The following PRKG1 variants were observed in gnomAD, a reference collection of about 807,000 sequenced individuals.
PRKG1 encodes protein kinase cGMP-dependent 1.
A neutral mutation model predicts 88.1 loss-of-function variants in PRKG1; 35 were observed. The observed-to-expected ratio is 0.40, with a 90% CI of 0.30 to 0.53. The LOEUF (loss-of-function observed/expected upper bound fraction) is 0.53, where lower values mean the gene tolerates loss of function less well. PRKG1 is among the 20% of genes least tolerant of loss of function. PRKG1 has a pLI of 0.59. For missense variants in PRKG1, 540 were observed against 839.8 expected, an observed-to-expected ratio of 0.64 and a Z score of 4.41; for synonymous variants, 303 against 292.5, an observed-to-expected ratio of 1.04 and a Z score of -0.37.
At chr10:52,211,542 C>T (rs573376456) in intron 9 of PRKG1, among the ~76,000 whole-genome samples, 12 of 151,800 alleles carry the variant, frequency 7.9e-5, no homozygotes, top group Admixed American at 1.3e-4. Flanking sequence ...TCAGATGGTA[C>T]AGTAATGATA....
At chr10:51,669,994 T>G (rs1840517918) in intron 3 of PRKG1, among the ~76,000 whole-genome samples, 2 of 152,234 alleles carry the variant, frequency 1.3e-5, no homozygotes, top group South Asian at 2.1e-4. Context: ...ATGATAAATA[T>G]GCTTATATTT....
At chr10:51,468,638 G>A (rs772075442) in intron 3 of PRKG1, among the ~76,000 whole-genome samples, 6 of 151,730 alleles carry the variant, frequency 4.0e-5, no homozygotes, top group Non-Finnish European at 8.9e-5. Flanking sequence ...TGTATTTCAT[G>A]TTTGAAAAGT....
At chr10:51,275,876 GA>G (rs1161452190) in intron 2 of PRKG1, among the ~76,000 whole-genome samples, 1 of 151,336 alleles carries the variant, frequency 6.6e-6, no homozygotes, top group Non-Finnish European at 1.5e-5. Flanking sequence ...AGAAAGGAAA[GA>G]AAGAATATTT....
chr10:51,253,973 A>T (rs181767599), intron 2 of PRKG1, among the ~76,000 whole-genome samples: 2 of 152,156 alleles, frequency 1.3e-5, no homozygotes, highest in Admixed American at 1.3e-4. Context: ...TTGAAAGGGC[A>T]GCACAAACTA....
chr10:51,219,241 G>C (rs1838458154), intron 2 of PRKG1, among the ~76,000 whole-genome samples: 1 of 152,032 alleles, frequency 6.6e-6, no homozygotes, highest in Admixed American at 6.6e-5. Flanking sequence ...GACCTTAAAG[G>C]TACATATATA....
rs148440017 is a variant in PRKG1, at chr10:51,730,394, C to G, written c.593-74191C>G. ...ATTGAAAATGTAGTTTGACTGATGA[C>G]TGAGAAGAAAGGGACTAGAAATAAC... is the stretch of plus-strand genomic sequence containing the variant. On this transcript the variant is annotated intron_variant, in intron 3 of 17. Transcript: ENST00000373980. 1.5e-3 allele frequency among the ~76,000 whole-genome samples: 227 copies of G among 152,294 alleles called. 1 individual carries two copies. The highest frequency in any genetic ancestry group is 4.9e-3 in the African/African-American group (204 of 41,554).
intron 3 of PRKG1, among the ~76,000 whole-genome samples, chr10:51,500,117 A>G (rs1840979264): frequency 6.6e-6 from 1 of 152,142 alleles, no homozygotes; most frequent in South Asian, 2.1e-4. Context: ...AGTGTTTTTT[A>G]TTGTTCTAAG....
chr10:51,506,641 G>C (rs1254510952), intron 3 of PRKG1, among the ~76,000 whole-genome samples: 1 of 152,150 alleles, frequency 6.6e-6, no homozygotes, highest in Non-Finnish European at 1.5e-5. Flanking sequence ...TCATTAAAAA[G>C]TCAGGAAACA....
In PRKG1 at chr10:51,183,982, C is replaced by T. The variant is rs540266614; in HGVS notation, c.478+30652C>T. Reference sequence around the variant, plus strand: ...CAACCTCATTATCTTTTCCACCCATCACTCTAGACAGGCATGACCAATAGA... The same window carrying T: ...CAACCTCATTATCTTTTCCACCCATTACTCTAGACAGGCATGACCAATAGA... On this transcript the variant is annotated intron_variant, in intron 2 of 17. Transcript: ENST00000373980. Among the ~76,000 whole-genome samples, 4 of 152,296 alleles carry T rather than the reference C, an allele frequency of 2.6e-5. No homozygotes were observed. The East Asian group carries it at 7.7e-4, about 29-fold the overall frequency.
chr10:51,680,247 C>T (rs1370459873), intron 3 of PRKG1, among the ~76,000 whole-genome samples: 1 of 151,998 alleles, frequency 6.6e-6, no homozygotes, highest in Non-Finnish European at 1.5e-5. Context: ...TGTAACTAAC[C>T]TGCACAATGT....
intron 1 of PRKG1, among the ~76,000 whole-genome samples, chr10:51,001,306 C>T (rs1317892021): frequency 6.6e-6 from 1 of 152,176 alleles, no homozygotes; most frequent in African/African-American, 2.4e-5. Context: ...TGATTCCTGA[C>T]AGTAGATGCC....
chr10:51,206,446 C>T (rs904719658), intron 2 of PRKG1, among the ~76,000 whole-genome samples: 9 of 150,330 alleles, frequency 6.0e-5, no homozygotes, highest in South Asian at 2.1e-4. Context: ...GAGCCGAGAT[C>T]GCTCCACTGC....
At chr10:52,147,166 A>C (rs1837751400) in intron 8 of PRKG1, among the ~76,000 whole-genome samples, 1 of 152,234 alleles carries the variant, frequency 6.6e-6, no homozygotes, top group Admixed American at 6.5e-5. Context: ...TGAAATGTCA[A>C]AAGTAAATAG....
chr10:51,581,665 G>A (rs1838040006), intron 3 of PRKG1, among the ~76,000 whole-genome samples: 1 of 152,066 alleles, frequency 6.6e-6, no homozygotes, highest in African/African-American at 2.4e-5. Flanking sequence ...GTCCAACCTG[G>A]CATTGTCTTT....
At chr10:51,749,483 A>G (rs573510088) in intron 3 of PRKG1, among the ~76,000 whole-genome samples, 1 of 152,228 alleles carries the variant, frequency 6.6e-6, no homozygotes, top group East Asian at 1.9e-4. Flanking sequence ...TCCTCTTCTT[A>G]TAAGGCCATG....
At chr10:52,166,625 T>C (rs1479238871) in intron 9 of PRKG1, among the ~76,000 whole-genome samples, 1 of 149,536 alleles carries the variant, frequency 6.7e-6, no homozygotes, top group Non-Finnish European at 1.5e-5. Flanking sequence ...TTTATCTCTA[T>C]ATTGAAGCCT....
intron 5 of PRKG1, among the ~76,000 whole-genome samples, chr10:51,999,043 T>G (rs1844525700): frequency 6.6e-6 from 1 of 152,220 alleles, no homozygotes; most frequent in South Asian, 2.1e-4. Flanking sequence ...ACCTGTTTCC[T>G]CACCTCTGTT....
At chr10:52,269,624 G>T (rs1487887048) in intron 10 of PRKG1, among the ~76,000 whole-genome samples, 1 of 152,028 alleles carries the variant, frequency 6.6e-6, no homozygotes, top group Non-Finnish European at 1.5e-5. Context: ...CTAAAGAGGG[G>T]ACAGCCATAC....
chr10:51,227,392 T>C (rs1838721181), intron 2 of PRKG1, among the ~76,000 whole-genome samples: 1 of 152,154 alleles, frequency 6.6e-6, no homozygotes, highest in Non-Finnish European at 1.5e-5. Flanking sequence ...TGTGTTATAA[T>C]AGCATGGTGC....
Sources: gnomAD v4.1 joint callset for allele counts (sites outside exome capture counted in the v4.1 genomes callset) on GRCh38, gnomAD v4.1.1 for gene constraint, MANE v1.5 for transcripts, NCBI Gene and HGNC (gene_info 2026-07-23, HGNC 2026-07-21) for gene names.